GPR55: variants seen among roughly 807,000 people sequenced by gnomAD.
GPR55 encodes the protein G-protein coupled receptor 55.
GPR55 carries 6 observed loss-of-function variants against 7.9 expected under a neutral mutation model. That is an observed-to-expected ratio of 0.76 (90% CI 0.41 to 1.49). The LOEUF (loss-of-function observed/expected upper bound fraction) is 1.49, where lower values mean the gene tolerates loss of function less well. GPR55 is among the 40% of genes most tolerant of loss of function. GPR55 has a pLI of 0.01. For synonymous variants in GPR55, 183 were observed against 166.8 expected (o/e 1.10, Z -0.75); for missense variants, 376 against 406.0 (o/e 0.93, Z 0.63).
intron 1 of GPR55, chr2:230,957,691 AAT>A (rs2125072530): frequency 1.8e-6 from 1 of 547,612 alleles, no homozygotes; most frequent in African/African-American, 1.9e-5. Context: ...CCCGGGATTC[AAT>A]ATTGTATGGT....
At chr2:230,918,359 T>C (rs537602856) in intron 1 of GPR55, among the ~76,000 whole-genome samples, 1 of 152,186 alleles carries the variant, frequency 6.6e-6, no homozygotes, top group Non-Finnish European at 1.5e-5. Context: ...TAGTTGTTGA[T>C]TTGGGGGCAA....
At chr2:230,953,622 T>C (rs1334593616) in intron 1 of GPR55, among the ~76,000 whole-genome samples, 1 of 152,232 alleles carries the variant, frequency 6.6e-6, no homozygotes, top group East Asian at 1.9e-4. Context: ...TTGTGTTATT[T>C]TAAGCCACTT....
chr2:230,938,868 C>T (rs1691174873), intron 1 of GPR55, among the ~76,000 whole-genome samples: 1 of 152,194 alleles, frequency 6.6e-6, no homozygotes, highest in Non-Finnish European at 1.5e-5. Flanking sequence ...AGTCTAGCTG[C>T]ATCTCTTCTG....
intron 1 of GPR55, among the ~76,000 whole-genome samples, chr2:230,913,395 TATAG>T (rs1252738157): frequency 6.6e-6 from 1 of 152,196 alleles, no homozygotes; most frequent in African/African-American, 2.4e-5. Flanking sequence ...AATCGATATA[TATAG>T]ATAGATGTTT....
Position 230,924,187 on chromosome 2 carries a change from G to A in GPR55, c.-135+981C>T, listed in dbSNP as rs568653301. Among the ~76,000 whole-genome samples, 3 of 152,304 alleles carry A rather than the reference G, an allele frequency of 2.0e-5. No homozygotes were observed. The highest frequency in any genetic ancestry group is 7.2e-5 in the African/African-American group (3 of 41,570). On this transcript the variant is annotated intron_variant, in intron 1 of 1. Coordinates refer to ENST00000650999, the MANE Select transcript of GPR55 (RefSeq NM_005683.4). This position sits in a 1 kb window ranked among gnomAD's most constrained non-coding sequence, Gnocchi z 4.5. ...TGTCGTTGGGAAGGTCTTATTGCATGAAAGAGGGGGTGAAGAAATGACGGA... is the reference window on the plus strand; with the variant it reads ...TGTCGTTGGGAAGGTCTTATTGCATAAAAGAGGGGGTGAAGAAATGACGGA...
rs1690562549 is a variant in GPR55, at chr2:230,910,445, G to A, written c.518C>T (p.Ser173Phe). The A allele has an allele frequency of 1.9e-6, 3 of 1,613,672 alleles. No individual in the cohort carries two copies. Among genetic ancestry groups the A allele is most frequent in the African/African-American group, 1.3e-5 (1 of 74,890 alleles). The change falls in exon 2 of 2, where the codon TCT becomes TTT. Residue 173 changes from serine to phenylalanine, a missense_variant. By Grantham distance (155) the Ser-to-Phe change is radical. Coordinates refer to ENST00000650999, the MANE Select transcript of GPR55 (RefSeq NM_005683.4). This position sits in a 1 kb window ranked among gnomAD's most constrained non-coding sequence, Gnocchi z 5.4. ...VEKYMCFHNM[S>F]DDTWSAKVFF... ...GACCTTGGCGCTCCAGGTATCATCA[G>A]ACATGTTGTGGAAGCACATGTATTT...
chr2:230,935,243 G>A (rs1691115164), intron 1 of GPR55, among the ~76,000 whole-genome samples: 1 of 152,146 alleles, frequency 6.6e-6, no homozygotes, highest in African/African-American at 2.4e-5. Flanking sequence ...GGGGCCTCAG[G>A]TTACACAGAG....
chr2:230,935,195 G>A (rs1574630129), intron 1 of GPR55, among the ~76,000 whole-genome samples: 1 of 152,090 alleles, frequency 6.6e-6, no homozygotes, highest in Non-Finnish European at 1.5e-5. Context: ...ACAAAGCGGC[G>A]GTGTTTTAGT....
intron 1 of GPR55, among the ~76,000 whole-genome samples, chr2:230,937,627 T>G (rs530780632): frequency 6.6e-6 from 1 of 151,948 alleles, no homozygotes; most frequent in Admixed American, 6.5e-5. Context: ...AGCATTTATT[T>G]CCAACAGTCA....
At chr2:230,958,081 A>C in intron 1 of GPR55, 1 of 263,684 alleles carries the variant, frequency 3.8e-6, no homozygotes, top group Non-Finnish European at 7.8e-6. Context: ...GTAATAAATA[A>C]AGAAAGAAAG....
At chr2:230,938,248 G>A (rs1691164071) in intron 1 of GPR55, among the ~76,000 whole-genome samples, 1 of 151,362 alleles carries the variant, frequency 6.6e-6, no homozygotes, top group African/African-American at 2.4e-5. Context: ...GCCAGGCAAG[G>A]GCCCCCTTAA....
rs773615092 is a variant in GPR55, at chr2:230,910,078, G to A, written c.885C>T (p.Phe295=). 2.5e-6 allele frequency: 4 copies of A among 1,614,078 alleles called. No individual in the cohort carries two copies. The highest frequency in any genetic ancestry group is 2.2e-5 in the East Asian group (1 of 44,886). The change falls in exon 2 of 2, where the codon TTC becomes TTT. Residue 295 remains phenylalanine, a synonymous_variant. Coordinates refer to ENST00000650999, the MANE Select transcript of GPR55 (RefSeq NM_005683.4). The surrounding 1 kb of genome is among the most constrained non-coding windows in gnomAD (Gnocchi z 5.4). ...GCCGGTGGGCCCTGATGTTCATGCGGAATTCTTTGATGACAAAGTAGTAGC... is the reference window on the plus strand; with the variant it reads ...GCCGGTGGGCCCTGATGTTCATGCGAAATTCTTTGATGACAAAGTAGTAGC... ...VFCYYFVIKE[F]RMNIRAHRPS... is the part of the protein sequence containing the mutation.
rs1690568137 is a variant in GPR55, at chr2:230,910,603, G to A, written c.360C>T (p.Phe120=). Residue 120 remains phenylalanine, a synonymous_variant, in exon 2 of 2, where the codon TTC becomes TTT. Transcript: ENST00000650999. The surrounding 1 kb of genome is among the most constrained non-coding windows in gnomAD (Gnocchi z 5.4). ...FTICFISMDR[F]LAIRYPLLVS... Reference sequence around the variant, plus strand: ...CCAGTAGCGGGTAACGGATGGCCAAGAACCGGTCCATGCTGATGAAGCAGA... The same window carrying A: ...CCAGTAGCGGGTAACGGATGGCCAAAAACCGGTCCATGCTGATGAAGCAGA... The A allele has an allele frequency of 6.2e-7, 1 of 1,613,980 alleles. No individual in the cohort carries two copies. Among genetic ancestry groups the A allele is most frequent in the African/African-American group, 1.3e-5 (1 of 75,036 alleles).
chr2:230,957,761 G>A (rs947911207), intron 1 of GPR55: 1 of 553,046 alleles, frequency 1.8e-6, no homozygotes, highest in African/African-American at 1.9e-5. Flanking sequence ...AGTAGAATTA[G>A]AAAATCATGT....
rs139583054 is a variant in GPR55, at chr2:230,940,035, A to G, written c.-135+20740T>C. Among the ~76,000 whole-genome samples the G allele has an allele frequency of 4.6e-5, 7 of 152,202 alleles. No homozygotes were observed. In the East Asian group the frequency reaches 1.4e-3, roughly 29 times the overall value. On this transcript the variant is annotated intron_variant, in intron 1 of 1. Transcript: ENST00000392039. ...CCCAAAGTGTCCTGCCAGGCACCAG[A>G]AAGAGCCAGTCCTCCCATCCCTGAG...
chr2:230,924,966 C>T lies in GPR55; in HGVS notation c.-135+202G>A, dbSNP rs1195569351. On this transcript the variant is annotated intron_variant, in intron 1 of 1. Transcript: ENST00000650999. The surrounding 1 kb of genome is among the most constrained non-coding windows in gnomAD (Gnocchi z 4.5). ...TCGGGGACAAACCAGGTCTGCCTGCCGCTGCTGCTGTCACGGAGGCTGCCT... is the reference window on the plus strand; with the variant it reads ...TCGGGGACAAACCAGGTCTGCCTGCTGCTGCTGCTGTCACGGAGGCTGCCT... Among the ~76,000 whole-genome samples the T allele has an allele frequency of 1.3e-5, 2 of 152,138 alleles. No individual in the cohort carries two copies. Among genetic ancestry groups the T allele is most frequent in the Non-Finnish European group, 1.5e-5 (1 of 68,018 alleles).
intron 1 of GPR55, among the ~76,000 whole-genome samples, chr2:230,922,755 C>T (rs1009046262): frequency 3.9e-5 from 6 of 151,926 alleles, no homozygotes; most frequent in Admixed American, 2.0e-4. Context: ...TTGTATTTTT[C>T]GTAGATACAG....
intron 1 of GPR55, among the ~76,000 whole-genome samples, chr2:230,942,843 G>A (rs376046602): frequency 1.3e-5 from 2 of 152,060 alleles, no homozygotes; most frequent in South Asian, 2.1e-4. Flanking sequence ...GAAGAGACAC[G>A]GAAGGGGCAG....
At chr2:230,945,596 G>A (rs1464545639) in intron 1 of GPR55, among the ~76,000 whole-genome samples, 2 of 152,266 alleles carry the variant, frequency 1.3e-5, no homozygotes, top group South Asian at 2.1e-4. Context: ...TTTTTGAGAC[G>A]GAGTCTCGCT....
Sources: gnomAD v4.1 joint callset for allele counts (sites outside exome capture counted in the v4.1 genomes callset) on GRCh38, gnomAD v4.1.1 for gene constraint, Gnocchi (gnomAD v3.1) non-coding constraint, MANE v1.5 for transcripts, NCBI Gene and HGNC (gene_info 2026-07-23, HGNC 2026-07-21) for gene names.